SCAPER: variants seen among roughly 807,000 people sequenced by gnomAD.
The protein encoded by SCAPER is S-phase cyclin A associated protein in the ER.
SCAPER carries 98 observed loss-of-function variants against 182.2 expected under a neutral mutation model. The observed-to-expected ratio is 0.54, with a 90% confidence interval of 0.46 to 0.64. SCAPER has a LOEUF of 0.64. Ranked by LOEUF, SCAPER falls within the 30% of genes least tolerant of loss-of-function variation. The probability of loss-of-function intolerance (pLI) is 0.00; values close to 1 mark genes in which losing one functional copy is unlikely to be tolerated. For synonymous variants in SCAPER, 605 were observed against 564.6 expected (o/e 1.07, Z -1.01); for missense variants, 1,432 against 1,690.0 (o/e 0.85, Z 2.68).
At chr15:76,414,967 CT>C in intron 26 of SCAPER, among the ~76,000 whole-genome samples, 1 of 152,204 alleles carries the variant, frequency 6.6e-6, no homozygotes, top group African/African-American at 2.4e-5. Context: ...GTTTTATATC[CT>C]TTTCTGCTTA....
intron 5 of SCAPER, among the ~76,000 whole-genome samples, chr15:76,804,904 T>A (rs1033633118): frequency 6.6e-6 from 1 of 152,104 alleles, no homozygotes; most frequent in Non-Finnish European, 1.5e-5. Flanking sequence ...TATTATGAAT[T>A]TTAACATATA....
At chr15:76,419,424 C>T (rs910856121) in intron 26 of SCAPER, among the ~76,000 whole-genome samples, 5 of 151,682 alleles carry the variant, frequency 3.3e-5, no homozygotes, top group African/African-American at 1.2e-4. Context: ...AACTAAAGAA[C>T]TAATACTAAT....
At chr15:76,754,488 G>A (rs1390794421) in intron 14 of SCAPER, among the ~76,000 whole-genome samples, 2 of 151,820 alleles carry the variant, frequency 1.3e-5, no homozygotes, top group Non-Finnish European at 2.9e-5. Flanking sequence ...GAACAGAGAG[G>A]GTTTCACCTA....
intron 28 of SCAPER, 67 bp from the exon 29 acceptor site, chr15:76,376,378 C>G (rs897426162): frequency 6.7e-5 from 100 of 1,492,344 alleles, no homozygotes; most frequent in Non-Finnish European, 8.6e-5. Flanking sequence ...AATCACAAAG[C>G]AAGACTGGCC....
At position 76,729,295 on chromosome 15, in the gene SCAPER, T is replaced by TACACACACACAC. The variant is rs57440824; in HGVS notation, c.2023-570_2023-559dup. ...ACACACACACACATATATATACACATACACACACACACACACACACACACA... is the reference window on the plus strand; with the variant it reads ...ACACACACACACATATATATACACATACACACACACACACACACACACACACACACACACACA... On this transcript the variant is annotated intron_variant, in intron 16 of 31. Transcript: ENST00000563290. Among the ~76,000 whole-genome samples, 563 of 144,272 alleles carry TACACACACACAC rather than the reference T, an allele frequency of 3.9e-3. 5 individuals carry two copies. Among genetic ancestry groups the TACACACACACAC allele is most frequent in the African/African-American group, 0.013 (512 of 39,324 alleles). The allele number at this position is 144,272 out of a possible 152,430, so 94.6% of individuals were successfully genotyped here.
Position 76,601,734 on chromosome 15 carries a change from C to T in SCAPER, c.2711+20030G>A, listed in dbSNP as rs1164135722. Among the ~76,000 whole-genome samples the T allele has an allele frequency of 1.6e-5, 2 of 121,736 alleles. 1 individual carries two copies. Among genetic ancestry groups the T allele is most frequent in the East Asian group, 4.4e-4 (2 of 4,582 alleles). The allele number at this position is 121,736 out of a possible 152,430, so 79.9% of individuals were successfully genotyped here. ...ATTCCAAGTCCAGTTTCAAATAATG[C>T]TATACTGCTTCACAGGTAGTGCTGT... On this transcript the variant is annotated intron_variant, in intron 22 of 31. Coordinates refer to ENST00000563290, the MANE Select transcript of SCAPER (RefSeq NM_020843.4).
intron 1 of SCAPER, among the ~76,000 whole-genome samples, chr15:76,894,045 G>A (rs746275080): frequency 4.6e-5 from 7 of 152,186 alleles, no homozygotes; most frequent in Non-Finnish European, 8.8e-5. Context: ...GCGGTCAGGA[G>A]TTCAAGACCA....
At chr15:76,755,943 T>G (rs1317714596) in intron 14 of SCAPER, among the ~76,000 whole-genome samples, 2 of 152,118 alleles carry the variant, frequency 1.3e-5, no homozygotes, top group Non-Finnish European at 2.9e-5. Context: ...GACTATGACC[T>G]GACTGATAGC....
chr15:76,519,939 C>T (rs2042712703), intron 23 of SCAPER, among the ~76,000 whole-genome samples: 1 of 152,114 alleles, frequency 6.6e-6, no homozygotes, highest in Admixed American at 6.6e-5. Context: ...TAATAGTATA[C>T]CCTTAATGTT....
At chr15:76,558,678 C>A (rs1476414098) in intron 23 of SCAPER, among the ~76,000 whole-genome samples, 1 of 151,990 alleles carries the variant, frequency 6.6e-6, no homozygotes, top group Non-Finnish European at 1.5e-5. Context: ...GGGTGTATTC[C>A]CAAAGGAATA....
At chr15:76,701,537 T>A (rs1043606252) in intron 20 of SCAPER, among the ~76,000 whole-genome samples, 1 of 152,226 alleles carries the variant, frequency 6.6e-6, no homozygotes, top group African/African-American at 2.4e-5. Flanking sequence ...ACTGAAATTA[T>A]GTAAATAACA....
At chr15:76,411,711 G>A (rs2045303803) in intron 26 of SCAPER, among the ~76,000 whole-genome samples, 1 of 152,002 alleles carries the variant, frequency 6.6e-6, no homozygotes, top group African/African-American at 2.4e-5. Flanking sequence ...TCTTCAAAGT[G>A]GTCATTTCAT....
intron 6 of SCAPER, among the ~76,000 whole-genome samples, chr15:76,802,871 T>G (rs2065896071): frequency 6.6e-6 from 1 of 152,202 alleles, no homozygotes; most frequent in East Asian, 1.9e-4. Flanking sequence ...TAGGAATTAC[T>G]TAGATGTCTA....
intron 26 of SCAPER, 76 bp from the exon 27 acceptor site, chr15:76,404,755 C>T (rs1439318587): frequency 6.7e-6 from 10 of 1,483,742 alleles, no homozygotes; most frequent in African/African-American, 1.4e-5. Flanking sequence ...ATAAATGCTA[C>T]CATACACAGG....
Position 76,724,421 on chromosome 15 carries a change from A to G in SCAPER, c.2165+4174T>C, listed in dbSNP as rs1349099652. On this transcript the variant is annotated intron_variant, in intron 17 of 31. Coordinates refer to ENST00000563290, the MANE Select transcript of SCAPER (RefSeq NM_020843.4). ...TATGTGTCTTGGAGTTGCTCTTCTC[A>G]AGGAGTATCTTTGTGGCATTCTCTG... Among the ~76,000 whole-genome samples, 21 of 152,130 alleles carry G rather than the reference A, an allele frequency of 1.4e-4. 1 individual carries two copies. In the East Asian group the frequency reaches 2.9e-3, roughly 21 times the overall value.
intron 2 of SCAPER, among the ~76,000 whole-genome samples, chr15:76,873,967 C>G (rs900103504): frequency 4.6e-5 from 7 of 151,610 alleles, no homozygotes; most frequent in Non-Finnish European, 4.4e-5. Flanking sequence ...CATCTTGACT[C>G]ACTGCAGCCT....
chr15:76,830,109 A>C (rs903102625), intron 5 of SCAPER, among the ~76,000 whole-genome samples: 11 of 152,114 alleles, frequency 7.2e-5, no homozygotes, highest in African/African-American at 2.7e-4. Context: ...AAGGAGAAGG[A>C]GGGAAGAGTG....
rs1022894977 is a variant in SCAPER at position 76,819,332 on chromosome 15, C to G, written c.394-14699G>C. Among the ~76,000 whole-genome samples the G allele has an allele frequency of 3.7e-4, 56 of 152,278 alleles. 1 individual carries two copies. The highest frequency in any genetic ancestry group is 1.3e-4 in the Non-Finnish European group (9 of 68,018). On this transcript the variant is annotated intron_variant, in intron 5 of 31. Transcript: ENST00000563290. ...CCCAAGTAGCCTAACTGGGAGCCAC[C>G]CCCCAGTAGGGGCAGACTGACACCT... is the stretch of plus-strand genomic sequence containing the variant.
chr15:76,590,089 C>T (rs117613336), intron 22 of SCAPER, among the ~76,000 whole-genome samples: 4,717 of 152,280 alleles, frequency 0.031, 97 homozygotes, highest in Non-Finnish European at 0.047. Context: ...TGGATTCTCT[C>T]GGCTTTGCTG....
Sources: gnomAD v4.1 joint callset for allele counts (sites outside exome capture counted in the v4.1 genomes callset) on GRCh38, gnomAD v4.1.1 for gene constraint, MANE v1.5 for transcripts, NCBI Gene and HGNC (gene_info 2026-07-23, HGNC 2026-07-21) for gene names.